The following ASPH variants were observed in gnomAD, a reference collection of about 807,000 sequenced individuals.
ASPH encodes the protein aspartate beta-hydroxylase.
In ASPH, 100 loss-of-function variants were observed where a neutral mutation model predicts 118.4. That is an observed-to-expected ratio of 0.84 (90% confidence interval 0.72 to 1.00). The LOEUF (loss-of-function observed/expected upper bound fraction) is 1.00. Among genes scored for constraint, ASPH ranks in the 50% least tolerant of loss-of-function variants. The probability of loss-of-function intolerance (pLI) is 0.00; values close to 1 mark genes in which losing one functional copy is unlikely to be tolerated. For missense variants in ASPH, 920 were observed against 919.5 expected, an observed-to-expected ratio of 1.00 and a Z score of -0.01; for synonymous variants, 315 against 325.6, an observed-to-expected ratio of 0.97 and a Z score of 0.35.
intron 1 of ASPH, among the ~76,000 whole-genome samples, chr8:61,707,396 T>C (rs1421515176): frequency 6.6e-6 from 1 of 152,208 alleles, no homozygotes; most frequent in African/African-American, 2.4e-5. Context: ...AACCCTCAAG[T>C]ACTACTTCAC....
rs1026944355 is a variant in ASPH, at chr8:61,502,558, T to A, written c.*801A>T. On this transcript the variant is annotated 3_prime_UTR_variant, in exon 25 of 25. Coordinates refer to ENST00000379454, the MANE Select transcript of ASPH (RefSeq NM_004318.4). The stretch of plus-strand genomic sequence containing the variant: ...ACTTTTTCCCCAGAAGCTCTAATAA[T>A]TGGCATTAAAAAAATTTGCATCTGG... 4 of 152,156 alleles carry A rather than the reference T, an allele frequency of 2.6e-5. No homozygotes were observed. The highest frequency in any genetic ancestry group is 9.7e-5 in the African/African-American group (4 of 41,432). 9.4% of individuals were successfully genotyped at this position (152,156 alleles called of 1,614,324 possible). A position where few individuals can be genotyped will look rare whatever the true frequency, so the allele number is the denominator to read the frequency against.
At chr8:61,695,100 G>C (rs547590633) in intron 1 of ASPH, among the ~76,000 whole-genome samples, 1 of 152,180 alleles carries the variant, frequency 6.6e-6, no homozygotes, top group Non-Finnish European at 1.5e-5. Flanking sequence ...AAGCATTTGC[G>C]TGTGCCATGA....
At chr8:61,569,334 T>C (rs1832765489) in intron 16 of ASPH, among the ~76,000 whole-genome samples, 1 of 152,200 alleles carries the variant, frequency 6.6e-6, no homozygotes, top group South Asian at 2.1e-4. Context: ...GGAAAAATGA[T>C]TCTGGCTAGA....
At chr8:61,611,831 T>C (rs893334906) in intron 14 of ASPH, among the ~76,000 whole-genome samples, 1 of 152,202 alleles carries the variant, frequency 6.6e-6, no homozygotes, top group Non-Finnish European at 1.5e-5. Flanking sequence ...AGCAGAGATA[T>C]TAGCTGCTTT....
chr8:61,625,682 T>C, intron 13 of ASPH: 1 of 984,976 alleles, frequency 1.0e-6, no homozygotes, highest in Non-Finnish European at 1.2e-6. Flanking sequence ...TACAAAAATT[T>C]CAAAAGTGTT....
At chr8:61,628,095 G>T (rs1014464608) in intron 13 of ASPH, among the ~76,000 whole-genome samples, 1 of 151,872 alleles carries the variant, frequency 6.6e-6, no homozygotes, top group Non-Finnish European at 1.5e-5. Flanking sequence ...CTCAAATTGA[G>T]ATTAGATCAT....
At chr8:61,625,992 G>A in intron 13 of ASPH, 7 of 1,187,468 alleles carry the variant, frequency 5.9e-6, no homozygotes, top group Non-Finnish European at 7.3e-6. Flanking sequence ...ACTAAAAGCT[G>A]TCTCACAAAA....
At chr8:61,578,204 C>G in intron 15 of ASPH, 1 of 1,563,658 alleles carries the variant, frequency 6.4e-7, no homozygotes, top group East Asian at 2.3e-5. Flanking sequence ...CGCCTGCCTC[C>G]ACTCCTGCCT....
chr8:61,558,144 C>A (rs1828525904), intron 18 of ASPH, among the ~76,000 whole-genome samples: 2 of 152,096 alleles, frequency 1.3e-5, no homozygotes, highest in Admixed American at 6.5e-5. Flanking sequence ...TAGAAGTAGA[C>A]AATGCAAGAT....
intron 24 of ASPH, among the ~76,000 whole-genome samples, chr8:61,510,979 G>A (rs1808620760): frequency 6.6e-6 from 1 of 151,972 alleles, no homozygotes; most frequent in Admixed American, 6.6e-5. Context: ...TAAATGATTT[G>A]GTAAATTGCA....
rs1024132093 is a variant in ASPH at position 61,586,139 on chromosome 8, C to T, written c.977-2110G>A. 1.2e-4 allele frequency among the ~76,000 whole-genome samples: 18 copies of T among 152,162 alleles called. 1 individual carries two copies. The highest frequency in any genetic ancestry group is 4.1e-4 in the African/African-American group (17 of 41,440). ...CCTTGACTTTTATGTTGCCCACTCTCCCAGTGTTCTTCCTTATTCTCTAGC... is the reference window on the plus strand; with the variant it reads ...CCTTGACTTTTATGTTGCCCACTCTTCCAGTGTTCTTCCTTATTCTCTAGC... On this transcript the variant is annotated intron_variant, in intron 14 of 24. Coordinates refer to ENST00000379454, the MANE Select transcript of ASPH (RefSeq NM_004318.4).
At chr8:61,595,182 T>C (rs892467708) in intron 14 of ASPH, among the ~76,000 whole-genome samples, 3 of 152,212 alleles carry the variant, frequency 2.0e-5, no homozygotes, top group Admixed American at 1.3e-4. Context: ...CATTACAAAA[T>C]TGATTAATCT....
chr8:61,636,442 C>A (rs893084657), intron 12 of ASPH, among the ~76,000 whole-genome samples: 3 of 152,082 alleles, frequency 2.0e-5, no homozygotes, highest in Non-Finnish European at 2.9e-5. Flanking sequence ...TATATTGATA[C>A]AACCGGCCAA....
At chr8:61,579,232 C>G in intron 15 of ASPH, 1 of 1,613,790 alleles carries the variant, frequency 6.2e-7, no homozygotes, top group Non-Finnish European at 8.5e-7. Context: ...ATTGCAGATG[C>G]CGAGCAGCGT....
At chr8:61,695,730 T>C (rs571679526) in intron 1 of ASPH, among the ~76,000 whole-genome samples, 3 of 152,234 alleles carry the variant, frequency 2.0e-5, no homozygotes, top group Non-Finnish European at 4.4e-5. Flanking sequence ...GCCACGTTCA[T>C]TACTGTACAC....
intron 4 of ASPH, among the ~76,000 whole-genome samples, chr8:61,653,244 T>C (rs992269517): frequency 2.0e-5 from 3 of 152,178 alleles, no homozygotes; most frequent in Admixed American, 6.5e-5. Context: ...AGTGTAGAAT[T>C]GTGTGTATTT....
intron 14 of ASPH, among the ~76,000 whole-genome samples, chr8:61,612,153 T>C (rs1220887779): frequency 6.6e-6 from 1 of 151,930 alleles, no homozygotes; most frequent in Non-Finnish European, 1.5e-5. Flanking sequence ...AAACATAGTA[T>C]TAATGAGTAA....
chr8:61,613,599 G>C (rs1224329708), intron 14 of ASPH, among the ~76,000 whole-genome samples: 2 of 152,166 alleles, frequency 1.3e-5, no homozygotes, highest in Non-Finnish European at 2.9e-5. Flanking sequence ...GGAACAAAAA[G>C]AGAAACACAC....
Position 61,638,306 on chromosome 8 carries a change from T to G in ASPH, c.832+16A>C. ...AGCTGACTTGCAGAAAATATGTGCTTACAGAAAAAACTTACCTGTGATTTC... is the reference window on the plus strand; with the variant it reads ...AGCTGACTTGCAGAAAATATGTGCTGACAGAAAAAACTTACCTGTGATTTC... On this transcript the variant is annotated intron_variant, in intron 11 of 24. Coordinates refer to ENST00000379454, the MANE Select transcript of ASPH (RefSeq NM_004318.4). The G allele has an allele frequency of 6.3e-7, 1 of 1,598,884 alleles. No homozygotes were observed. The highest frequency in any genetic ancestry group is 8.5e-7 in the Non-Finnish European group (1 of 1,175,864).
Sources: gnomAD v4.1 joint callset for allele counts (sites outside exome capture counted in the v4.1 genomes callset) on GRCh38, gnomAD v4.1.1 for gene constraint, MANE v1.5 for transcripts, NCBI Gene and HGNC (gene_info 2026-07-23, HGNC 2026-07-21) for gene names.